DIP2C: variants seen among roughly 807,000 people sequenced by gnomAD.
DIP2C encodes disco-interacting protein 2 homolog C.
DIP2C carries 33 observed loss-of-function variants against 192.4 expected under a neutral mutation model. That is an observed-to-expected ratio of 0.17 (90% confidence interval 0.13 to 0.23). DIP2C has a LOEUF of 0.23. Ranked by LOEUF, DIP2C falls within the 10% of genes least tolerant of loss-of-function variation. The pLI is 1.00. For synonymous variants in DIP2C, 979 were observed against 864.1 expected (o/e 1.13, Z -2.33); for missense variants, 1,537 against 2,110.1 (o/e 0.73, Z 5.32).
chr10:414,755 A>G (rs1589737517), intron 7 of DIP2C, among the ~76,000 whole-genome samples: 6 of 131,352 alleles, frequency 4.6e-5, no homozygotes, highest in African/African-American at 1.7e-4. Context: ...ATATATATAT[A>G]TAATGTGTAT....
chr10:617,809 T>A (rs1327632076), intron 1 of DIP2C, among the ~76,000 whole-genome samples: 2 of 151,930 alleles, frequency 1.3e-5, no homozygotes, highest in African/African-American at 4.8e-5. Context: ...ATCCAGGCTC[T>A]GGTGGGTAAC....
intron 2 of DIP2C, among the ~76,000 whole-genome samples, chr10:481,164 C>A (rs1306195180): frequency 1.3e-5 from 2 of 152,170 alleles, no homozygotes; most frequent in Non-Finnish European, 2.9e-5. Flanking sequence ...GAAAGCACAG[C>A]CTCTGCTGAC....
At chr10:474,427 C>T (rs1245439772) in intron 2 of DIP2C, among the ~76,000 whole-genome samples, 2 of 152,194 alleles carry the variant, frequency 1.3e-5, no homozygotes, top group Admixed American at 6.5e-5. Flanking sequence ...AACTCTTTCC[C>T]ATACCTTCCT....
Position 611,969 on chromosome 10 carries a change from C to CT in DIP2C, c.85+77524dup, listed in dbSNP as rs551062553. On this transcript the variant is annotated intron_variant, in intron 1 of 36. Transcript: ENST00000280886. Reference sequence around the variant, plus strand: ...CTTTAATTTCAAGATTTTCAGACAGCTTTTTTTTAAGGGATCTATTATAGT... The same window carrying CT: ...CTTTAATTTCAAGATTTTCAGACAGCTTTTTTTTTAAGGGATCTATTATAGT... Among the ~76,000 whole-genome samples, 218 of 89,624 alleles carry CT rather than the reference C, an allele frequency of 2.4e-3. 1 individual carries two copies. The highest frequency in any genetic ancestry group is 4.6e-3 in the African/African-American group (178 of 38,920). 58.8% of individuals were successfully genotyped at this position (89,624 alleles called of 152,430 possible). A position where few individuals can be genotyped will look rare whatever the true frequency, so the allele number is the denominator to read the frequency against.
intron 1 of DIP2C, among the ~76,000 whole-genome samples, chr10:591,112 T>C (rs1429622308): frequency 1.3e-5 from 2 of 151,294 alleles, no homozygotes; most frequent in East Asian, 1.9e-4. Context: ...CAGGTTTCCA[T>C]TACTGGTTTT....
At chr10:426,061 A>C (rs945247042) in intron 4 of DIP2C, among the ~76,000 whole-genome samples, 3 of 152,200 alleles carry the variant, frequency 2.0e-5, no homozygotes, top group African/African-American at 7.2e-5. Context: ...AGATTAGAAA[A>C]GAAGGAATAA....
intron 35 of DIP2C, among the ~76,000 whole-genome samples, chr10:282,419 C>T (rs1412365645): frequency 6.6e-6 from 1 of 152,186 alleles, no homozygotes; most frequent in Non-Finnish European, 1.5e-5. Flanking sequence ...TAAACATAGC[C>T]TGTTGGGCCA....
chr10:567,802 T>G (rs1049451801), intron 1 of DIP2C, among the ~76,000 whole-genome samples: 1 of 152,054 alleles, frequency 6.6e-6, no homozygotes, highest in South Asian at 2.1e-4. Flanking sequence ...CTCACCCTGC[T>G]GATTTTTAGT....
At chr10:445,362 T>C (rs966974942) in intron 3 of DIP2C, among the ~76,000 whole-genome samples, 4 of 151,990 alleles carry the variant, frequency 2.6e-5, no homozygotes, top group South Asian at 2.1e-4. Flanking sequence ...ATACATCTGT[T>C]GTGAAGAGTC....
At chr10:483,325 C>A (rs914244764) in intron 2 of DIP2C, among the ~76,000 whole-genome samples, 1 of 152,256 alleles carries the variant, frequency 6.6e-6, no homozygotes, top group African/African-American at 2.4e-5. Flanking sequence ...GAAGATCCTG[C>A]ACAAAGGAAG....
intron 29 of DIP2C, among the ~76,000 whole-genome samples, chr10:337,073 T>TGTGTG (rs374638763): frequency 1.4e-5 from 1 of 71,528 alleles, no homozygotes; most frequent in African/African-American, 5.6e-5. Flanking sequence ...TGTGTGTGTG[T>TGTGTG]TGTGGAGGCC....
chr10:597,885 C>T (rs962982344), intron 1 of DIP2C, among the ~76,000 whole-genome samples: 6 of 152,140 alleles, frequency 3.9e-5, no homozygotes, highest in African/African-American at 1.4e-4. Flanking sequence ...CGGGAGAAAC[C>T]AGGAGGTCTG....
chr10:614,539 C>A (rs185706569), intron 1 of DIP2C, among the ~76,000 whole-genome samples: 195 of 152,338 alleles, frequency 1.3e-3, no homozygotes, highest in African/African-American at 4.0e-3. Flanking sequence ...TCACCACAGG[C>A]ACAGCCGTGC....
chr10:531,601 A>G (rs892559732), intron 1 of DIP2C, among the ~76,000 whole-genome samples: 1 of 152,256 alleles, frequency 6.6e-6, no homozygotes, highest in South Asian at 2.1e-4. Flanking sequence ...CTCTGGAGGT[A>G]AAGGCCGAGC....
chr10:428,353 A>T (rs910381299), intron 4 of DIP2C, among the ~76,000 whole-genome samples: 8 of 152,132 alleles, frequency 5.3e-5, no homozygotes, highest in African/African-American at 1.9e-4. Flanking sequence ...CTGATAACAT[A>T]TTCTCTCAGC....
At chr10:496,992 C>G (rs1469731945) in intron 1 of DIP2C, among the ~76,000 whole-genome samples, 1 of 152,050 alleles carries the variant, frequency 6.6e-6, no homozygotes, top group Non-Finnish European at 1.5e-5. Flanking sequence ...GGTGTGGTGG[C>G]GGGTGCCTGT....
chr10:552,229 C>T (rs573595246), intron 1 of DIP2C, among the ~76,000 whole-genome samples: 1 of 152,194 alleles, frequency 6.6e-6, no homozygotes, highest in Non-Finnish European at 1.5e-5. Context: ...AGGAAAGCAT[C>T]GTGAAGTTCC....
intron 1 of DIP2C, among the ~76,000 whole-genome samples, chr10:640,775 G>A (rs1404882252): frequency 3.8e-5 from 3 of 79,632 alleles, no homozygotes; most frequent in Admixed American, 3.0e-4. Flanking sequence ...GAGGGTGGGC[G>A]CCGGGAAGAG....
At chr10:396,857 T>TG (rs869247968) in intron 10 of DIP2C, among the ~76,000 whole-genome samples, 5 of 74,626 alleles carry the variant, frequency 6.7e-5, no homozygotes, top group South Asian at 1.1e-3. Context: ...GCAAATCCGG[T>TG]GGGGGGGAAA....
Sources: allele counts gnomAD v4.1 joint callset (sites outside exome capture counted in the v4.1 genomes callset), GRCh38; gene constraint gnomAD v4.1.1; transcripts MANE v1.5; gene names NCBI Gene and HGNC (gene_info 2026-07-23, HGNC 2026-07-21).